Variants in GALNT9 observed in about 807,000 individuals in gnomAD.
GALNT9 encodes the protein GalNAc transferase 9.
A neutral mutation model predicts 63.1 loss-of-function variants in GALNT9; 47 were observed. The ratio of observed to expected loss-of-function variants is 0.75; its 90% CI spans 0.59 to 0.95. GALNT9 has a LOEUF of 0.95. GALNT9 is among the 40% of genes least tolerant of loss of function. The pLI is 0.00. For synonymous variants in GALNT9, 396 were observed against 365.7 expected (o/e 1.08, Z -0.94); for missense variants, 829 against 874.8 (o/e 0.95, Z 0.66).
At chr12:132,290,183 C>T (rs1032083944) in intron 1 of GALNT9, among the ~76,000 whole-genome samples, 5 of 152,122 alleles carry the variant, frequency 3.3e-5, no homozygotes. Context: ...GAAAGAGGGC[C>T]CAAGCGATGA....
chr12:132,222,186 CT>C (rs1484700274), intron 6 of GALNT9, among the ~76,000 whole-genome samples: 1 of 152,100 alleles, frequency 6.6e-6, no homozygotes, highest in African/African-American at 2.4e-5. Flanking sequence ...CGGATGAAGG[CT>C]TTTAATTTGA....
In GALNT9 at chr12:132,247,990, G is replaced by T; in HGVS notation, c.997C>A (p.Arg333Ser). The T allele has an allele frequency of 6.4e-7, 1 of 1,551,436 alleles. No homozygotes were observed. Among genetic ancestry groups the T allele is most frequent in the Non-Finnish European group, 8.7e-7 (1 of 1,147,000 alleles). The change falls in exon 6 of 11, where the codon CGC (arginine) becomes AGC (serine). Residue 333 changes from arginine (R) to serine (S), a missense_variant. Physicochemically the swap from Arg to Ser is moderately radical, Grantham distance 110. Transcript: ENST00000328957. ...AMIGCSFVVD[R>S]EYFGDIGLLD... ...AGCCCAATGTCTCCGAAGTACTCGC[G>T]GTCCACTACGAAGGAGCAGCCGATC...
chr12:132,267,974 C>A (rs374581559), intron 2 of GALNT9, among the ~76,000 whole-genome samples: 1,710 of 150,582 alleles, frequency 0.011, 29 homozygotes, highest in South Asian at 0.086. Flanking sequence ...TGCACACAAA[C>A]CCACATGAAC....
rs1046103585 is a variant in GALNT9, at chr12:132,246,144, C to T, written c.1077+1766G>A. 2.0e-5 allele frequency among the ~76,000 whole-genome samples: 3 copies of T among 152,242 alleles called. No homozygotes were observed. Among genetic ancestry groups the T allele is most frequent in the Admixed American group, 2.0e-4 (3 of 15,288 alleles). On this transcript the variant is annotated intron_variant, in intron 6 of 10. Transcript: ENST00000328957. The surrounding 1 kb of genome is among the most constrained non-coding windows in gnomAD (Gnocchi z 4.7). ...CGCGTGGGTGCGTTCAATCCACGGCCGACCCGCCAAGGTCTGGTGTTTAAC... is the reference window on the plus strand; with the variant it reads ...CGCGTGGGTGCGTTCAATCCACGGCTGACCCGCCAAGGTCTGGTGTTTAAC...
At chr12:132,257,384 C>T (rs2135541029) in intron 5 of GALNT9, among the ~76,000 whole-genome samples, 1 of 148,770 alleles carries the variant, frequency 6.7e-6, no homozygotes, top group East Asian at 2.0e-4. Context: ...TCACCGTGGT[C>T]TCTGCTCAGC....
chr12:132,253,819 C>T (rs1337531374), intron 5 of GALNT9, among the ~76,000 whole-genome samples: 1 of 152,142 alleles, frequency 6.6e-6, no homozygotes, highest in Admixed American at 6.5e-5. Flanking sequence ...TGGAGCAGGG[C>T]CCACACTTTC....
intron 5 of GALNT9, among the ~76,000 whole-genome samples, chr12:132,251,223 C>G (rs116035693): frequency 6.6e-6 from 1 of 152,184 alleles, no homozygotes; most frequent in East Asian, 1.9e-4. Flanking sequence ...TTATGAATTT[C>G]GATCGATACA....
intron 2 of GALNT9, chr12:132,274,634 G>A (rs1393891284): frequency 6.6e-6 from 1 of 152,276 alleles, no homozygotes; most frequent in African/African-American, 2.4e-5. Flanking sequence ...CAGCAGAGGG[G>A]AAGGCAGGTG....
chr12:132,262,202 G>A (rs985381599), intron 3 of GALNT9, among the ~76,000 whole-genome samples: 1 of 152,218 alleles, frequency 6.6e-6, no homozygotes, highest in Admixed American at 6.5e-5. Flanking sequence ...ATGAGAAGAA[G>A]AGAGGATGCA....
chr12:132,306,651 C>T lies in GALNT9; in HGVS notation c.239-20221G>A, dbSNP rs139940796. On this transcript the variant is annotated intron_variant, in intron 1 of 10. Transcript: ENST00000328957. ...CCCACTTTCCCCAGGACGTTCTCCA[C>T]GCCTTCCCCCCTGCTCAGAGCCAGG... Among the ~76,000 whole-genome samples the T allele has an allele frequency of 4.1e-3, 626 of 152,332 alleles. 4 individuals carry two copies. The highest frequency in any genetic ancestry group is 0.014 in the African/African-American group (591 of 41,576).
chr12:132,304,813 A>G (rs1487859127), intron 1 of GALNT9, among the ~76,000 whole-genome samples: 2 of 50,296 alleles, frequency 4.0e-5, no homozygotes, highest in African/African-American at 8.3e-5. Context: ...ACCTGGGCAC[A>G]CCCTCGCCCG....
intron 1 of GALNT9, among the ~76,000 whole-genome samples, chr12:132,313,344 T>C (rs1881885286): frequency 3.1e-5 from 4 of 127,594 alleles, no homozygotes; most frequent in African/African-American, 6.0e-5. Flanking sequence ...CACTCACCCA[T>C]CCATCTCTCC....
intron 6 of GALNT9, among the ~76,000 whole-genome samples, chr12:132,223,155 C>A (rs1224831257): frequency 0.011 from 243 of 21,240 alleles, 7 homozygotes; most frequent in Non-Finnish European, 0.024. Flanking sequence ...ACCACACAAC[C>A]CACACACCAC....
chr12:132,203,445 C>T, intron 7 of GALNT9, 60 bp downstream of exon 7: 1 of 1,553,280 alleles, frequency 6.4e-7, no homozygotes, highest in Non-Finnish European at 8.8e-7. Flanking sequence ...CCCAGCCCTG[C>T]CGTGGCATTG....
chr12:132,270,544 C>T (rs1281286225), intron 2 of GALNT9, among the ~76,000 whole-genome samples: 1 of 152,224 alleles, frequency 6.6e-6, no homozygotes, highest in Non-Finnish European at 1.5e-5. Context: ...TCTGAGTCTA[C>T]GACTGTAATC....
intron 6 of GALNT9, among the ~76,000 whole-genome samples, chr12:132,239,838 A>G (rs563248849): frequency 6.6e-6 from 1 of 152,210 alleles, no homozygotes; most frequent in East Asian, 1.9e-4. Context: ...TGAGAGAGAC[A>G]AAGAGAGACA....
intron 1 of GALNT9, among the ~76,000 whole-genome samples, chr12:132,318,531 A>G (rs1868630078): frequency 6.6e-6 from 1 of 152,250 alleles, no homozygotes; most frequent in Non-Finnish European, 1.5e-5. Flanking sequence ...CACAGGCAGC[A>G]TCCACGCTTG....
intron 6 of GALNT9, among the ~76,000 whole-genome samples, chr12:132,241,050 T>C (rs1417189595): frequency 3.1e-5 from 4 of 128,496 alleles, no homozygotes; most frequent in East Asian, 5.9e-4. Flanking sequence ...CCAGGGGCCC[T>C]CCCTATACCC....
At chr12:132,225,572 C>T (rs1484709948) in intron 6 of GALNT9, among the ~76,000 whole-genome samples, 1 of 149,250 alleles carries the variant, frequency 6.7e-6, no homozygotes, top group Non-Finnish European at 1.5e-5. Context: ...ACACACCCCA[C>T]ACAACCCACA....
Sources: gnomAD v4.1 joint callset for allele counts (sites outside exome capture counted in the v4.1 genomes callset) on GRCh38, gnomAD v4.1.1 for gene constraint, Gnocchi (gnomAD v3.1) non-coding constraint, MANE v1.5 for transcripts, NCBI Gene and HGNC (gene_info 2026-07-23, HGNC 2026-07-21) for gene names.